The following MYO16 variants were observed in gnomAD, a reference collection of about 807,000 sequenced individuals.
The protein encoded by MYO16 is myosin XVI.
A neutral mutation model predicts 205.3 loss-of-function variants in MYO16; 94 were observed. That is an observed-to-expected ratio of 0.46 (90% CI 0.39 to 0.54). The LOEUF (loss-of-function observed/expected upper bound fraction) is 0.54, where lower values mean the gene tolerates loss of function less well. Ranked by LOEUF, MYO16 falls within the 20% of genes least tolerant of loss-of-function variation. The probability of loss-of-function intolerance (pLI) is 0.00; values close to 1 mark genes in which losing one functional copy is unlikely to be tolerated. For synonymous variants in MYO16, 988 were observed against 954.0 expected (o/e 1.04, Z -0.66); for missense variants, 2,315 against 2,387.5 (o/e 0.97, Z 0.63).
intron 2 of MYO16, among the ~76,000 whole-genome samples, chr13:108,705,998 A>G (rs1177601235): frequency 3.3e-5 from 5 of 152,198 alleles, no homozygotes; most frequent in African/African-American, 4.8e-5. Flanking sequence ...GACCAATCAA[A>G]TAATAATAAT....
intron 4 of MYO16, among the ~76,000 whole-genome samples, chr13:108,757,845 T>C (rs1014789443): frequency 1.3e-5 from 2 of 152,200 alleles, no homozygotes; most frequent in Non-Finnish European, 2.9e-5. Context: ...ATGTAGCTAC[T>C]TCATATGAGG....
Position 109,140,186 on chromosome 13 carries a change from T to C in MYO16, c.4052-78T>C. ...CTCGGGGCACGGGGCCGTGGCTCCC[T>C]CCGAGTCGAGCCCCGGGCTTGGTGG... On this transcript the variant is annotated intron_variant, in intron 31 of 34. Transcript: ENST00000457511. The surrounding 1 kb of genome is among the most constrained non-coding windows in gnomAD (Gnocchi z 8.0). The C allele has an allele frequency of 2.6e-6, 4 of 1,554,068 alleles. No individual in the cohort carries two copies. In the South Asian group the frequency reaches 4.7e-5, roughly 18 times the overall value.
At chr13:108,860,088 T>C in intron 11 of MYO16, among the ~76,000 whole-genome samples, 1 of 151,638 alleles carries the variant, frequency 6.6e-6, no homozygotes, top group Admixed American at 6.6e-5. Context: ...TAGAGGTTTG[T>C]TGTACAGATT....
upstream of MYO16, among the ~76,000 whole-genome samples, chr13:108,626,036 C>A (rs1879722021): frequency 6.6e-6 from 1 of 152,150 alleles, no homozygotes; most frequent in Admixed American, 6.6e-5. Context: ...ATTTACTAAG[C>A]AATTTCTAAC....
At chr13:108,789,186 A>G (rs931769446) in intron 5 of MYO16, among the ~76,000 whole-genome samples, 12 of 152,156 alleles carry the variant, frequency 7.9e-5, no homozygotes, top group African/African-American at 2.9e-4. Context: ...TGTGTATTTC[A>G]TATTTTCCCA....
intron 6 of MYO16, among the ~76,000 whole-genome samples, chr13:108,795,253 A>G: frequency 6.6e-6 from 1 of 150,560 alleles, no homozygotes; most frequent in East Asian, 2.0e-4. Context: ...GTGCAATGGC[A>G]TGGTCTTGGC....
At chr13:108,909,826 C>T (rs1332614449) in intron 15 of MYO16, among the ~76,000 whole-genome samples, 177 bp from the exon 16 acceptor site, 3 of 152,064 alleles carry the variant, frequency 2.0e-5, no homozygotes, top group Non-Finnish European at 4.4e-5. Context: ...CATGTCTTTT[C>T]AGCATCGTAT....
At chr13:108,609,473 A>T (rs1385384537) in intron 1 of MYO16, among the ~76,000 whole-genome samples, 1 of 152,166 alleles carries the variant, frequency 6.6e-6, no homozygotes, top group Non-Finnish European at 1.5e-5. Flanking sequence ...CAGGTGCTCA[A>T]TGCTATCAGC....
At chr13:108,933,161 CACTA>C (rs747497936) in intron 16 of MYO16, among the ~76,000 whole-genome samples, 7 of 152,244 alleles carry the variant, frequency 4.6e-5, no homozygotes, top group Non-Finnish European at 1.0e-4. Flanking sequence ...GTCTTTCATT[CACTA>C]ACTGTGTGTG....
the MYO16 span, among the ~76,000 whole-genome samples, chr13:108,565,166 C>G: frequency 1.3e-5 from 2 of 152,142 alleles, no homozygotes; most frequent in Non-Finnish European, 2.9e-5. Flanking sequence ...GTTTTAGAAT[C>G]TTCTAATTCT....
intron 21 of MYO16, among the ~76,000 whole-genome samples, chr13:109,004,997 G>T (rs758651444): frequency 1.3e-5 from 2 of 152,134 alleles, no homozygotes; most frequent in Non-Finnish European, 2.9e-5. Flanking sequence ...AGGTTTAAAA[G>T]GTAAAGAACT....
At chr13:108,804,427 G>A (rs890558784) in intron 6 of MYO16, among the ~76,000 whole-genome samples, 1 of 152,204 alleles carries the variant, frequency 6.6e-6, no homozygotes, top group South Asian at 2.1e-4. Flanking sequence ...CACTGTTGCA[G>A]TTGGGCACCT....
intron 4 of MYO16, among the ~76,000 whole-genome samples, chr13:108,739,463 C>T (rs879813629): frequency 3.9e-4 from 59 of 152,236 alleles, no homozygotes; most frequent in Non-Finnish European, 6.6e-4. Context: ...TGAATATTGG[C>T]CCCCACTCTC....
At chr13:109,056,604 G>A (rs1390215277) in intron 27 of MYO16, among the ~76,000 whole-genome samples, 6 of 152,020 alleles carry the variant, frequency 3.9e-5, no homozygotes, top group Non-Finnish European at 8.8e-5. Flanking sequence ...CGCAAATAAT[G>A]GCCATTCAGT....
chr13:108,941,821 G>A (rs557511067), intron 16 of MYO16, among the ~76,000 whole-genome samples: 8 of 152,008 alleles, frequency 5.3e-5, no homozygotes, highest in Non-Finnish European at 5.9e-5. Flanking sequence ...ATGCTCTTTC[G>A]TGTTTGTTGT....
chr13:108,556,602 T>G, the MYO16 span, among the ~76,000 whole-genome samples: 2 of 152,176 alleles, frequency 1.3e-5, no homozygotes, highest in African/African-American at 4.8e-5. Context: ...CTCTATTGAT[T>G]GTTTCCTTTT....
chr13:108,908,285 C>T (rs1184596477), intron 15 of MYO16, among the ~76,000 whole-genome samples: 1 of 152,126 alleles, frequency 6.6e-6, no homozygotes, highest in East Asian at 1.9e-4. Flanking sequence ...GCACTCCTGG[C>T]AACTTTTCCC....
intron 16 of MYO16, among the ~76,000 whole-genome samples, chr13:108,954,881 T>C (rs533106726): frequency 6.6e-6 from 1 of 152,318 alleles, no homozygotes; most frequent in Non-Finnish European, 1.5e-5. Context: ...AAACCCCAGC[T>C]TGCTCACCCT....
chr13:108,997,609 C>T (rs1054785320), intron 21 of MYO16, among the ~76,000 whole-genome samples: 3 of 151,996 alleles, frequency 2.0e-5, no homozygotes, highest in African/African-American at 7.2e-5. Flanking sequence ...GAGGTCAAGG[C>T]GGTCGGATCA....
Sources: gnomAD v4.1 joint callset for allele counts (sites outside exome capture counted in the v4.1 genomes callset) on GRCh38, gnomAD v4.1.1 for gene constraint, Gnocchi (gnomAD v3.1) non-coding constraint, MANE v1.5 for transcripts, NCBI Gene and HGNC (gene_info 2026-07-23, HGNC 2026-07-21) for gene names.